KAZN: variants seen among roughly 807,000 people sequenced by gnomAD.
KAZN encodes kazrin.
In KAZN, 40 loss-of-function variants were observed where a neutral mutation model predicts 87.4. That is an observed-to-expected ratio of 0.46 (90% CI 0.36 to 0.60). The LOEUF (loss-of-function observed/expected upper bound fraction) is 0.60, where lower values mean the gene tolerates loss of function less well. Ranked by LOEUF, KAZN falls within the 20% of genes least tolerant of loss-of-function variation. KAZN has a pLI of 0.00. For missense variants in KAZN, 898 were observed against 1,073.9 expected, an observed-to-expected ratio of 0.84 and a Z score of 2.29; for synonymous variants, 466 against 458.3, an observed-to-expected ratio of 1.02 and a Z score of -0.22.
At chr1:14,935,301 C>T (rs536718287) in intron 1 of KAZN, among the ~76,000 whole-genome samples, 2 of 152,070 alleles carry the variant, frequency 1.3e-5, no homozygotes, top group Admixed American at 6.5e-5. Flanking sequence ...AGTGCGGTGG[C>T]GCAATCTTGG....
At chr1:14,611,885 T>C (rs543281620) in intron 1 of KAZN, among the ~76,000 whole-genome samples, 1 of 152,316 alleles carries the variant, frequency 6.6e-6, no homozygotes, top group South Asian at 2.1e-4. Flanking sequence ...GTTTAGGCTT[T>C]GGGCACCATA....
At chr1:14,016,190 C>T (rs1640563005) in intron 1 of KAZN, among the ~76,000 whole-genome samples, 1 of 152,090 alleles carries the variant, frequency 6.6e-6, no homozygotes, top group Admixed American at 6.5e-5. Context: ...TTGCCAAAGC[C>T]TGGTGTTAAA....
intron 1 of KAZN, among the ~76,000 whole-genome samples, chr1:13,988,527 G>A (rs1343010264): frequency 7.2e-5 from 11 of 152,138 alleles, no homozygotes; most frequent in Non-Finnish European, 1.6e-4. Flanking sequence ...AGAAAAGACA[G>A]CGCATGGGGT....
At chr1:14,489,130 T>C (rs1036556573) in intron 2 of KAZN, among the ~76,000 whole-genome samples, 3 of 152,166 alleles carry the variant, frequency 2.0e-5, no homozygotes, top group Non-Finnish European at 4.4e-5. Flanking sequence ...AAAAATAATC[T>C]TGGGGTTTCT....
chr1:14,213,119 A>G (rs1291502700), intron 2 of KAZN, among the ~76,000 whole-genome samples: 3 of 152,144 alleles, frequency 2.0e-5, no homozygotes, highest in African/African-American at 7.2e-5. Context: ...AATTTTCTGT[A>G]TTTATTTAAA....
chr1:14,642,664 C>T (rs1377625785), intron 1 of KAZN, among the ~76,000 whole-genome samples: 1 of 152,054 alleles, frequency 6.6e-6, no homozygotes, highest in East Asian at 1.9e-4. Context: ...ATATATGATA[C>T]AGTTTCAAAT....
At chr1:14,783,086 G>A (rs1480579591) in intron 1 of KAZN, among the ~76,000 whole-genome samples, 1 of 152,142 alleles carries the variant, frequency 6.6e-6, no homozygotes, top group African/African-American at 2.4e-5. Flanking sequence ...GCCTTTAGGG[G>A]GTGCTCAGCC....
intron 2 of KAZN, among the ~76,000 whole-genome samples, chr1:14,297,496 T>C (rs1654215852): frequency 6.6e-6 from 1 of 151,820 alleles, no homozygotes; most frequent in South Asian, 2.1e-4. Flanking sequence ...GGGCTGAGAG[T>C]GATTTGGGAG....
At chr1:15,097,542 G>C (rs537684453) in intron 10 of KAZN, among the ~76,000 whole-genome samples, 1 of 152,146 alleles carries the variant, frequency 6.6e-6, no homozygotes, top group Non-Finnish European at 1.5e-5. Flanking sequence ...GAGAAGGCCG[G>C]GTACGATGGC....
At chr1:14,827,149 A>G (rs2100855659) in intron 1 of KAZN, among the ~76,000 whole-genome samples, 1 of 152,310 alleles carries the variant, frequency 6.6e-6, no homozygotes, top group Non-Finnish European at 1.5e-5. Flanking sequence ...CCATTGGCTA[A>G]GGTAACTTTC....
At chr1:14,660,869 T>C (rs1321297011) in intron 1 of KAZN, among the ~76,000 whole-genome samples, 1 of 152,206 alleles carries the variant, frequency 6.6e-6, no homozygotes, top group East Asian at 1.9e-4. Flanking sequence ...TTTGCTTTTT[T>C]ATCCATCTGG....
chr1:14,441,534 T>C (rs953798473), intron 2 of KAZN, among the ~76,000 whole-genome samples: 1 of 152,214 alleles, frequency 6.6e-6, no homozygotes, highest in Non-Finnish European at 1.5e-5. Flanking sequence ...AGAGTATTTG[T>C]GTCCTAAGGA....
chr1:14,551,193 A>G (rs1393916703), intron 2 of KAZN, among the ~76,000 whole-genome samples: 2 of 152,174 alleles, frequency 1.3e-5, no homozygotes, highest in African/African-American at 4.8e-5. Context: ...CCCCAACAGT[A>G]TTCACTAAAC....
chr1:14,951,332 C>T (rs1264530934), intron 1 of KAZN, among the ~76,000 whole-genome samples: 2 of 152,112 alleles, frequency 1.3e-5, no homozygotes, highest in Middle Eastern at 3.2e-3. Context: ...CTGCTGGGTA[C>T]CTGCTTTGTT....
At chr1:14,936,743 T>C (rs916224087) in intron 1 of KAZN, among the ~76,000 whole-genome samples, 4 of 152,190 alleles carry the variant, frequency 2.6e-5, no homozygotes, top group Admixed American at 6.5e-5. Context: ...AGGGTTTTTT[T>C]CTGCCTAAAA....
Position 15,110,057 on chromosome 1 carries a change from G to A in KAZN, c.2049-2370G>A, listed in dbSNP as rs539055779. Among the ~76,000 whole-genome samples the A allele has an allele frequency of 1.6e-3, 95 of 59,320 alleles. 1 individual carries two copies. In the South Asian group the frequency reaches 0.033, roughly 21 times the overall value. The allele number at this position is 59,320 out of a possible 152,430, so 38.9% of individuals were successfully genotyped here. On this transcript the variant is annotated intron_variant, in intron 13 of 14. Coordinates refer to ENST00000376030, the MANE Select transcript of KAZN (RefSeq NM_201628.3). ...TGTATGTGTGTATATATATATGTGCGTGTGTGTGCCTGTGTGTGTATGTGT... is the reference window on the plus strand; with the variant it reads ...TGTATGTGTGTATATATATATGTGCATGTGTGTGCCTGTGTGTGTATGTGT...
At chr1:14,223,348 A>G (rs1303441610) in intron 2 of KAZN, among the ~76,000 whole-genome samples, 1 of 152,186 alleles carries the variant, frequency 6.6e-6, no homozygotes. Context: ...TTTTCCTGGC[A>G]CAGGCTGTGA....
At chr1:14,119,892 A>G (rs571762887) in intron 1 of KAZN, among the ~76,000 whole-genome samples, 9 of 105,396 alleles carry the variant, frequency 8.5e-5, no homozygotes, top group Admixed American at 5.5e-4. Flanking sequence ...GCCATGTGCC[A>G]GGCACTGTTC....
chr1:14,927,560 T>C (rs1659305490), intron 1 of KAZN, among the ~76,000 whole-genome samples: 1 of 152,166 alleles, frequency 6.6e-6, no homozygotes, highest in African/African-American at 2.4e-5. Flanking sequence ...GTGTGGGTGC[T>C]GAGTTTCTAA....
Sources: allele counts gnomAD v4.1 joint callset (sites outside exome capture counted in the v4.1 genomes callset), GRCh38; gene constraint gnomAD v4.1.1; transcripts MANE v1.5; gene names NCBI Gene and HGNC (gene_info 2026-07-23, HGNC 2026-07-21).